ARL6: variants seen among roughly 807,000 people sequenced by gnomAD.
ARL6 encodes the protein ADP-ribosylation factor-like protein 6.
A neutral mutation model predicts 27.1 loss-of-function variants in ARL6; 18 were observed. That is an observed-to-expected ratio of 0.66 (90% CI 0.46 to 0.98). The LOEUF is 0.98. ARL6 is among the 50% of genes least tolerant of loss of function. ARL6 has a pLI of 0.00. For missense variants in ARL6, 187 were observed against 214.9 expected, an observed-to-expected ratio of 0.87 and a Z score of 0.81; for synonymous variants, 65 against 72.3, an observed-to-expected ratio of 0.90 and a Z score of 0.51.
intron 4 of ARL6, among the ~76,000 whole-genome samples, chr3:97,781,306 T>G (rs577991654): frequency 1.4e-5 from 2 of 144,812 alleles, no homozygotes; most frequent in Non-Finnish European, 3.0e-5. Flanking sequence ...GCAAGTCAAG[T>G]GCTCACTAAT....
In ARL6 at chr3:97,798,753, A is replaced by C. The variant is rs1315451159; in HGVS notation, c.*704A>C. On this transcript the variant is annotated 3_prime_UTR_variant, in exon 8 of 8. Transcript: ENST00000463745. ...ATATCCTTATCTTCAGAGAACTTAA[A>C]ATTTAATGAGGGATAATTTGAGAAC... The C allele has an allele frequency of 6.6e-6, 1 of 152,186 alleles. No homozygotes were observed. The highest frequency in any genetic ancestry group is 2.4e-5 in the African/African-American group (1 of 41,548). The allele number at this position is 152,186 out of a possible 1,614,324, so 9.4% of individuals were successfully genotyped here.
intron 2 of ARL6, among the ~76,000 whole-genome samples, chr3:97,772,619 C>CTTTTTTT (rs571939797): frequency 1.6e-5 from 2 of 124,396 alleles, no homozygotes; most frequent in African/African-American, 6.0e-5. Flanking sequence ...AGGCTTGTTA[C>CTTTTTTT]TTTTTTTTTT....
rs73850182 is a variant in ARL6, at chr3:97,783,049, A to G, written c.255-1906A>G. Among the ~76,000 whole-genome samples, 978 of 150,862 alleles carry G rather than the reference A, an allele frequency of 6.5e-3. 7 individuals are homozygous for G. Among genetic ancestry groups the G allele is most frequent in the African/African-American group, 0.022 (894 of 41,344 alleles). ...TTTACTTTCTCATCTATATGATGCC[A>G]TAATGTTAAATATTATATAATTTTT... On this transcript the variant is annotated intron_variant, in intron 4 of 7. Coordinates refer to ENST00000463745, the MANE Select transcript of ARL6 (RefSeq NM_001278293.3).
Position 97,768,122 on chromosome 3 carries a change from C to A in ARL6, c.15C>A (p.Asp5Glu). 4.3e-6 allele frequency: 7 copies of A among 1,612,964 alleles called. No individual in the cohort carries two copies. The highest frequency in any genetic ancestry group is 5.9e-6 in the Non-Finnish European group (7 of 1,179,114). The change falls in exon 2 of 8, where the codon GAC becomes GAA. Residue 5 changes from aspartate (D) to glutamate (E), a missense_variant. By Grantham distance (45) the Asp-to-Glu change is conservative. Transcript: ENST00000463745. MGLL[D>E]RLSVLLGLKK... ...TGAATCACATTATGGGATTGCTAGA[C>A]AGACTTTCAGTCTTGCTTGGCCTGA... is the stretch of plus-strand genomic sequence containing the variant.
intron 2 of ARL6, among the ~76,000 whole-genome samples, chr3:97,775,266 A>AG (rs2036834622): frequency 6.6e-6 from 1 of 152,196 alleles, no homozygotes; most frequent in Non-Finnish European, 1.5e-5. Context: ...ATACATATAA[A>AG]GGGGAGTTTA....
chr3:97,765,913 A>C (rs1288516527), intron 1 of ARL6: 3 of 152,210 alleles, frequency 2.0e-5, no homozygotes, highest in African/African-American at 7.2e-5. Flanking sequence ...AATTATAACT[A>C]CTTGAAACGT....
chr3:97,779,136 C>T (rs552203413), intron 2 of ARL6, among the ~76,000 whole-genome samples: 16 of 152,296 alleles, frequency 1.1e-4, no homozygotes, highest in African/African-American at 2.4e-4. Context: ...CTCTTCTCCA[C>T]GCAGAATTCC....
At chr3:97,786,143 G>C (rs923762350) in intron 5 of ARL6, among the ~76,000 whole-genome samples, 1 of 151,992 alleles carries the variant, frequency 6.6e-6, no homozygotes. Flanking sequence ...TTGAGGTCAG[G>C]AGTTCGAGAC....
intron 6 of ARL6, among the ~76,000 whole-genome samples, chr3:97,789,131 TCC>T (rs1292959410): frequency 6.6e-6 from 1 of 152,224 alleles, no homozygotes; most frequent in East Asian, 1.9e-4. Flanking sequence ...CTTGACACTT[TCC>T]AGTATTCAGA....
intron 6 of ARL6, among the ~76,000 whole-genome samples, chr3:97,788,738 A>AT (rs1320898586): frequency 6.6e-6 from 1 of 152,208 alleles, no homozygotes; most frequent in African/African-American, 2.4e-5. Flanking sequence ...CTCTTAAGTA[A>AT]TTAATGTTGA....
chr3:97,766,328 G>C (rs556000241), intron 1 of ARL6, among the ~76,000 whole-genome samples: 1 of 152,148 alleles, frequency 6.6e-6, no homozygotes, highest in Admixed American at 6.5e-5. Flanking sequence ...GACATCAGAA[G>C]GTTAATTTAA....
chr3:97,784,815 A>T, intron 4 of ARL6, 140 bp from the exon 5 acceptor site: 1 of 585,498 alleles, frequency 1.7e-6, no homozygotes, highest in South Asian at 2.3e-5. Flanking sequence ...AACTAATAAG[A>T]AACAACACCA....
chr3:97,793,254 C>A (rs2037831040), intron 7 of ARL6: 1 of 152,142 alleles, frequency 6.6e-6, no homozygotes, highest in Admixed American at 6.5e-5. Flanking sequence ...CAATCAGGAA[C>A]CTCTAGTGAT....
At chr3:97,785,161 G>T (rs966371963) in intron 5 of ARL6, 112 bp downstream of exon 5, 2 of 806,818 alleles carry the variant, frequency 2.5e-6, no homozygotes, top group Middle Eastern at 2.3e-4. Context: ...TAAAATTTTT[G>T]AATTTAAAAC....
intron 7 of ARL6, among the ~76,000 whole-genome samples, chr3:97,796,684 G>A (rs114640145): frequency 0.014 from 2,099 of 152,182 alleles, 50 homozygotes; most frequent in African/African-American, 0.048. Flanking sequence ...GCTGCAAACA[G>A]TGGAAGATTC....
At chr3:97,780,555 A>G in intron 3 of ARL6, 60 bp from the exon 4 acceptor site, 2 of 1,395,574 alleles carry the variant, frequency 1.4e-6, no homozygotes, top group South Asian at 1.2e-5. Flanking sequence ...ATAATTTAAA[A>G]TTTTAAGTAA....
Position 97,798,301 on chromosome 3 carries a change from G to A in ARL6, c.*252G>A. 5.0e-6 allele frequency: 2 copies of A among 401,686 alleles called. No individual in the cohort carries two copies. Among genetic ancestry groups the A allele is most frequent in the South Asian group, 1.0e-4 (2 of 19,874 alleles). 24.9% of individuals were successfully genotyped at this position (401,686 alleles called of 1,614,324 possible). On this transcript the variant is annotated 3_prime_UTR_variant, in exon 8 of 8. Transcript: ENST00000463745. Reference sequence around the variant, plus strand: ...TCTTAGTGAAGGTCTACATTTGATTGTACGTAGAATGTTTAAAAGTCAGTT... The same window carrying A: ...TCTTAGTGAAGGTCTACATTTGATTATACGTAGAATGTTTAAAAGTCAGTT...
chr3:97,782,928 C>A (rs550476005), intron 4 of ARL6, among the ~76,000 whole-genome samples: 9 of 149,930 alleles, frequency 6.0e-5, no homozygotes, highest in African/African-American at 1.7e-4. Context: ...CCATTAGTAG[C>A]ATTTATTTTT....
At chr3:97,765,209 GGGGTGTGTGTGT>G (rs1222421138) in intron 1 of ARL6, among the ~76,000 whole-genome samples, 62 of 128,148 alleles carry the variant, frequency 4.8e-4, no homozygotes, top group African/African-American at 1.7e-3. Context: ...CCGTGTATTG[GGGGTGTGTGTGT>G]GTGTGTGTGT....
Sources: allele counts gnomAD v4.1 joint callset (sites outside exome capture counted in the v4.1 genomes callset), GRCh38; gene constraint gnomAD v4.1.1; transcripts MANE v1.5; gene names NCBI Gene and HGNC (gene_info 2026-07-23, HGNC 2026-07-21).